The following LUC7L2 variants were observed in gnomAD, a reference collection of about 807,000 sequenced individuals.
LUC7L2 encodes putative RNA-binding protein Luc7-like 2.
Under a neutral mutation model 52.8 loss-of-function variants are expected in LUC7L2, and 25 were observed. The observed-to-expected ratio is 0.47, with a 90% CI of 0.34 to 0.66. The LOEUF is 0.66. Ranked by LOEUF, LUC7L2 falls within the 30% of genes least tolerant of loss-of-function variation. LUC7L2 has a pLI of 0.01. For synonymous variants in LUC7L2, 144 were observed against 160.9 expected, an observed-to-expected ratio of 0.89 and a Z score of 0.80; for missense variants, 328 against 497.8, an observed-to-expected ratio of 0.66 and a Z score of 3.25.
intron 8 of LUC7L2, among the ~76,000 whole-genome samples, chr7:139,413,872 T>G (rs1795477686): frequency 6.6e-6 from 1 of 152,208 alleles, no homozygotes; most frequent in Admixed American, 6.5e-5. Context: ...CATTAATAAG[T>G]GGGGCCAGTT....
chr7:139,407,090 T>C, intron 5 of LUC7L2, 84 bp from the exon 6 acceptor site: 1 of 1,278,402 alleles, frequency 7.8e-7, no homozygotes, highest in South Asian at 2.8e-5. Context: ...GAAAACACTT[T>C]TGGTATAAGC....
intron 2 of LUC7L2, among the ~76,000 whole-genome samples, chr7:139,390,713 G>A (rs1015580695): frequency 6.6e-6 from 1 of 151,826 alleles, no homozygotes; most frequent in African/African-American, 2.4e-5. Flanking sequence ...CCACCACCAT[G>A]CCCGGCTAAT....
chr7:139,347,973 T>C (rs1799323743), intron 1 of LUC7L2, among the ~76,000 whole-genome samples: 1 of 152,182 alleles, frequency 6.6e-6, no homozygotes, highest in Non-Finnish European at 1.5e-5. Flanking sequence ...ATGTAGGGAT[T>C]ACAGGTGTGA....
In LUC7L2 at chr7:139,360,192, C is replaced by T. The variant is rs1380690972; in HGVS notation, c.-70C>T. 2.4e-6 allele frequency: 3 copies of T among 1,262,572 alleles called. No individual in the cohort carries two copies. Among genetic ancestry groups the T allele is most frequent in the Non-Finnish European group, 3.3e-6 (3 of 898,526 alleles). 78.2% of individuals were successfully genotyped at this position (1,262,572 alleles called of 1,614,324 possible). ...CAGCGCACCTTCCCCCATCCCTTCC[C>T]CTTATCCCCCAGCCCAAAAGGGCCC... is the stretch of plus-strand genomic sequence containing the variant. On this transcript the variant is annotated 5_prime_UTR_variant, in exon 1 of 10. Coordinates refer to ENST00000354926, the MANE Select transcript of LUC7L2 (RefSeq NM_016019.5).
intron 2 of LUC7L2, among the ~76,000 whole-genome samples, chr7:139,381,948 G>A (rs540118424): frequency 1.4e-5 from 2 of 141,066 alleles, no homozygotes; most frequent in South Asian, 2.3e-4. Context: ...GCAGTGGCAC[G>A]GTCTCGGCTC....
intron 1 of LUC7L2, among the ~76,000 whole-genome samples, chr7:139,342,587 CGAGTAGTACAGGCAGGCGA>C (rs1438842512): frequency 6.6e-6 from 1 of 152,088 alleles, no homozygotes; most frequent in Non-Finnish European, 1.5e-5. Context: ...CTCAGCCTCC[CGAGTAGTACAGGCAGGCGA>C]CATGCGACAC....
intron 2 of LUC7L2, among the ~76,000 whole-genome samples, chr7:139,376,912 T>C (rs184929147): frequency 2.0e-5 from 3 of 152,328 alleles, no homozygotes; most frequent in African/African-American, 7.2e-5. Context: ...CTGACTTGCC[T>C]TTTCAGAAGC....
At chr7:139,342,742 G>A (rs1272263889) in intron 1 of LUC7L2, among the ~76,000 whole-genome samples, 6 of 152,154 alleles carry the variant, frequency 3.9e-5, no homozygotes, top group Non-Finnish European at 7.3e-5. Context: ...AATTACAGGC[G>A]TGAACTATCA....
At chr7:139,418,947 A>G (rs1044745394) in intron 9 of LUC7L2, among the ~76,000 whole-genome samples, 1 of 152,082 alleles carries the variant, frequency 6.6e-6, no homozygotes. Context: ...CCCCATCTCT[A>G]CTAAAATACA....
Position 139,406,660 on chromosome 7 carries a change from T to TTTG in LUC7L2, c.511-502_511-500dup, listed in dbSNP as rs777370474. ...TGAGCCACCCGGCCTGGCCTGTTTTTTTGTTGTTGTTGTTTTTTAAAATAC... is the reference window on the plus strand; with the variant it reads ...TGAGCCACCCGGCCTGGCCTGTTTTTTTGTTGTTGTTGTTGTTTTTTAAAATAC... On this transcript the variant is annotated intron_variant, in intron 5 of 9. Transcript: ENST00000354926. Among the ~76,000 whole-genome samples, 163 of 152,224 alleles carry TTTG rather than the reference T, an allele frequency of 1.1e-3. 2 individuals carry two copies. Among genetic ancestry groups the TTTG allele is most frequent in the Admixed American group, 3.7e-3 (57 of 15,288 alleles).
intron 1 of LUC7L2, chr7:139,363,095 CT>C: frequency 2.7e-6 from 1 of 364,512 alleles, no homozygotes; most frequent in Non-Finnish European, 3.8e-6. Flanking sequence ...GGCAGGGGGA[CT>C]GCCAGGAGGT....
At chr7:139,368,731 C>T (rs1800291688) in intron 1 of LUC7L2, among the ~76,000 whole-genome samples, 1 of 122,326 alleles carries the variant, frequency 8.2e-6, no homozygotes, top group South Asian at 2.3e-4. Context: ...GAGTGAGACA[C>T]CGTCTCAAAA....
At chr7:139,344,699 T>C (rs28580681) in intron 1 of LUC7L2, among the ~76,000 whole-genome samples, 24 of 64,692 alleles carry the variant, frequency 3.7e-4, no homozygotes, top group African/African-American at 3.1e-3. Context: ...TTCTTTCTTT[T>C]TTTTTTTTTT....
rs997050003 is a variant in LUC7L2 at position 139,415,584 on chromosome 7, T to C, written c.810-1954T>C. Reference sequence around the variant, plus strand: ...CTGTGGAAATAACGCTTTTTTTTTTTTTTTTTTTTTGAGACAGGGTCTCAC... The same window carrying C: ...CTGTGGAAATAACGCTTTTTTTTTTCTTTTTTTTTTGAGACAGGGTCTCAC... On this transcript the variant is annotated intron_variant, in intron 8 of 9. Coordinates refer to ENST00000354926, the MANE Select transcript of LUC7L2 (RefSeq NM_016019.5). Among the ~76,000 whole-genome samples, 10 of 150,264 alleles carry C rather than the reference T, an allele frequency of 6.7e-5. No individual in the cohort carries two copies. The South Asian group carries it at 8.5e-4, about 13-fold the overall frequency.
Position 139,376,068 on chromosome 7 carries a change from C to G in LUC7L2, c.68C>G (p.Thr23Arg). 1 of 1,613,670 alleles carries G rather than the reference C, an allele frequency of 6.2e-7. No individual in the cohort carries two copies. The highest frequency in any genetic ancestry group is 8.5e-7 in the Non-Finnish European group (1 of 1,179,838). The change falls in exon 2 of 10, where the codon ACA becomes AGA. Residue 23 changes from threonine to arginine, a missense_variant. Thr to Arg is a moderately conservative substitution (Grantham distance 71). Around this residue, in one of 2 missense-constraint regions of LUC7L2, gnomAD observed 133 missense variants for 274.4 expected, o/e 0.48. Coordinates refer to ENST00000354926, the MANE Select transcript of LUC7L2 (RefSeq NM_016019.5). ...QLMGTSRDGD[T>R]TRQRIKFSDD... Reference sequence around the variant, plus strand: ...TAACTCTTCTATATTACAGGAGATACAACTCGTCAACGAATCAAATTCAGT... The same window carrying G: ...TAACTCTTCTATATTACAGGAGATAGAACTCGTCAACGAATCAAATTCAGT...
intron 9 of LUC7L2, among the ~76,000 whole-genome samples, chr7:139,418,449 C>T (rs923313700): frequency 6.6e-6 from 1 of 152,144 alleles, no homozygotes; most frequent in African/African-American, 2.4e-5. Context: ...TAACGTAAGC[C>T]ATGTTTAAAA....
chr7:139,374,742 A>C (rs1421586191), intron 1 of LUC7L2: 1 of 1,265,822 alleles, frequency 7.9e-7, no homozygotes, highest in African/African-American at 1.5e-5. Flanking sequence ...TTTTAAAAAT[A>C]TCTTTAACCA....
intron 2 of LUC7L2, among the ~76,000 whole-genome samples, chr7:139,381,049 G>A (rs1800987014): frequency 6.6e-6 from 1 of 151,928 alleles, no homozygotes; most frequent in Non-Finnish European, 1.5e-5. Context: ...TCATCATAGC[G>A]TAACTTTACT....
At chr7:139,413,396 C>T (rs898261884) in intron 8 of LUC7L2, among the ~76,000 whole-genome samples, 3 of 152,258 alleles carry the variant, frequency 2.0e-5, no homozygotes, top group South Asian at 4.1e-4. Context: ...CAGATCACAT[C>T]TTCTTTTAGA....
Sources: allele counts gnomAD v4.1 joint callset (sites outside exome capture counted in the v4.1 genomes callset), GRCh38; gene constraint gnomAD v4.1.1; regional missense constraint gnomAD v4.1.1; transcripts MANE v1.5; gene names NCBI Gene and HGNC (gene_info 2026-07-23, HGNC 2026-07-21).